The following SBNO1 variants were observed in gnomAD, a reference collection of about 807,000 sequenced individuals.
The protein encoded by SBNO1 is strawberry notch homolog 1.
A neutral mutation model predicts 173.6 loss-of-function variants in SBNO1; 23 were observed. That is an observed-to-expected ratio of 0.13 (90% confidence interval 0.10 to 0.19). The LOEUF is 0.19. SBNO1 is among the 10% of genes least tolerant of loss of function. SBNO1 has a pLI of 1.00. For synonymous variants in SBNO1, 632 were observed against 571.5 expected (o/e 1.11, Z -1.51); for missense variants, 1,238 against 1,671.2 (o/e 0.74, Z 4.52).
intron 6 of SBNO1, among the ~76,000 whole-genome samples, chr12:123,335,120 G>C (rs184624232): frequency 4.3e-4 from 66 of 152,292 alleles, no homozygotes; most frequent in African/African-American, 1.6e-3. Flanking sequence ...GAGCCTTGTA[G>C]GCTAAGGCTG....
At chr12:123,326,884 A>G (rs1217000872) in intron 13 of SBNO1, among the ~76,000 whole-genome samples, 2 of 152,134 alleles carry the variant, frequency 1.3e-5, no homozygotes, top group East Asian at 3.8e-4. Context: ...CCAAGATCAC[A>G]CCACTGTACT....
At chr12:123,363,871 G>A (rs1875715804) in intron 1 of SBNO1, 9 of 985,558 alleles carry the variant, frequency 9.1e-6, no homozygotes, top group Non-Finnish European at 1.1e-5. Flanking sequence ...CCAGGGTCAG[G>A]AAAGAAACAA....
chr12:123,299,681 C>CA (rs538218167), intron 30 of SBNO1, among the ~76,000 whole-genome samples: 4,354 of 93,728 alleles, frequency 0.046, 231 homozygotes, highest in African/African-American at 0.13. Flanking sequence ...ACTCTGTCTT[C>CA]AAAAAAAAAA....
At chr12:123,342,587 T>C (rs1013110713) in intron 4 of SBNO1, among the ~76,000 whole-genome samples, 6 of 152,250 alleles carry the variant, frequency 3.9e-5, no homozygotes, top group African/African-American at 1.4e-4. Flanking sequence ...TGGGAACTCC[T>C]TACTTCCTCC....
chr12:123,296,553 G>A (rs112372969), intron 31 of SBNO1, among the ~76,000 whole-genome samples: 1 of 105,330 alleles, frequency 9.5e-6, no homozygotes, highest in Admixed American at 1.1e-4. Flanking sequence ...ATATATATAT[G>A]TGTTTTTTTT....
intron 10 of SBNO1, among the ~76,000 whole-genome samples, chr12:123,328,355 T>C (rs1870819879): frequency 6.6e-6 from 1 of 152,288 alleles, no homozygotes; most frequent in African/African-American, 2.4e-5. Flanking sequence ...TTTCAAAAAG[T>C]GATGTTCCTC....
At position 123,336,386 on chromosome 12, in the gene SBNO1, A is replaced by C. The variant is rs774906229; in HGVS notation, c.748+9T>G. 2 of 1,503,628 alleles carry C rather than the reference A, an allele frequency of 1.3e-6. No individual in the cohort carries two copies. Among genetic ancestry groups the C allele is most frequent in the Non-Finnish European group, 1.8e-6 (2 of 1,090,400 alleles). 93.1% of individuals were successfully genotyped at this position (1,503,628 alleles called of 1,614,324 possible). On this transcript the variant is annotated intron_variant, in intron 6 of 31. Coordinates refer to ENST00000602398, the MANE Select transcript of SBNO1 (RefSeq NM_001167856.3). ...TGATGTAAATATCTGACAAATCCCGAAGACATACATTTTATTGGCATGTAT... is the reference window on the plus strand; with the variant it reads ...TGATGTAAATATCTGACAAATCCCGCAGACATACATTTTATTGGCATGTAT...
intron 2 of SBNO1, among the ~76,000 whole-genome samples, chr12:123,349,427 G>T (rs1237528917): frequency 1.3e-5 from 2 of 152,166 alleles, no homozygotes; most frequent in African/African-American, 4.8e-5. Flanking sequence ...TGCTTTCAGA[G>T]AATGTATATA....
chr12:123,347,669 T>C (rs1377024078), intron 3 of SBNO1, among the ~76,000 whole-genome samples: 1 of 151,978 alleles, frequency 6.6e-6, no homozygotes, highest in Non-Finnish European at 1.5e-5. Context: ...GCTATGACTA[T>C]AGGCGTGCAC....
rs1034377535 is a variant in SBNO1, at chr12:123,364,693, G to A, written c.-1+8C>T. ...TGGAAGGAGAAAAGGGCCAAGGGAA[G>A]GACTTACTTTCCCCGCGGGACCCGG... On this transcript the variant is annotated splice_region_variant and intron_variant, in intron 1 of 31. Coordinates refer to ENST00000602398, the MANE Select transcript of SBNO1 (RefSeq NM_001167856.3). 37 of 983,886 alleles carry A rather than the reference G, an allele frequency of 3.8e-5. No homozygotes were observed. Among genetic ancestry groups the A allele is most frequent in the East Asian group, 2.3e-4 (2 of 8,774 alleles). The allele number at this position is 983,886 out of a possible 1,614,324, so 60.9% of individuals were successfully genotyped here.
intron 31 of SBNO1, among the ~76,000 whole-genome samples, chr12:123,297,097 C>T (rs954534817): frequency 2.0e-5 from 3 of 151,214 alleles, no homozygotes; most frequent in East Asian, 2.0e-4. Flanking sequence ...CGGTGGCTCA[C>T]GCCTATAATC....
chr12:123,336,315 G>T, intron 6 of SBNO1, 80 bp downstream of exon 6: 1 of 925,306 alleles, frequency 1.1e-6, no homozygotes, highest in Non-Finnish European at 1.7e-6. Flanking sequence ...AAATTTATAT[G>T]GAAAAAAACA....
At chr12:123,335,870 G>A (rs1871778948) in intron 6 of SBNO1, among the ~76,000 whole-genome samples, 1 of 152,170 alleles carries the variant, frequency 6.6e-6, no homozygotes, top group Non-Finnish European at 1.5e-5. Flanking sequence ...GAAAAGGATG[G>A]AATCTTGAGT....
intron 30 of SBNO1, 111 bp from the exon 31 acceptor site, chr12:123,298,282 T>C: frequency 8.9e-7 from 1 of 1,121,732 alleles, no homozygotes; most frequent in Non-Finnish European, 1.2e-6. Flanking sequence ...TTTTTTTTTG[T>C]TGAGATGGAG....
In SBNO1 at chr12:123,317,252, A is replaced by G. The variant is rs1055426629; in HGVS notation, c.2904T>C (p.Pro968=). The change falls in exon 21 of 32, where the codon CCT becomes CCC. Residue 968 remains proline, a synonymous_variant. Transcript: ENST00000602398. ...RRRVHMTLEL[P]WSADRAIQQF... The stretch of plus-strand genomic sequence containing the variant: ...GTTGAATTGCTCTATCAGCGCTCCA[A>G]GGTAATTCTAAAGTCATATGAACTC... The G allele has an allele frequency of 6.2e-7, 1 of 1,614,070 alleles. No homozygotes were observed. The highest frequency in any genetic ancestry group is 1.3e-5 in the African/African-American group (1 of 74,950).
intron 30 of SBNO1, among the ~76,000 whole-genome samples, chr12:123,301,409 T>G (rs2138882015): frequency 1.3e-5 from 2 of 152,270 alleles, no homozygotes; most frequent in South Asian, 4.1e-4. Context: ...CAAAGCCAAC[T>G]TATCTACCTG....
In SBNO1 at chr12:123,328,776, T is replaced by C; in HGVS notation, c.1254A>G (p.Leu418=). The C allele has an allele frequency of 6.2e-7, 1 of 1,603,038 alleles. No individual in the cohort carries two copies. Among genetic ancestry groups the C allele is most frequent in the Non-Finnish European group, 8.5e-7 (1 of 1,173,292 alleles). ...CACCGCACCAATGCAGAAGTTGTTTTAACCTAGTTTTATACTTGCCGCCAG... is the reference window on the plus strand; with the variant it reads ...CACCGCACCAATGCAGAAGTTGTTTCAACCTAGTTTTATACTTGCCGCCAG... ...SQSGGKYKTR[L]KQLLHWCGDD... The change falls in exon 10 of 32, where the codon TTA becomes TTG. Residue 418 remains leucine, a synonymous_variant. Coordinates refer to ENST00000602398, the MANE Select transcript of SBNO1 (RefSeq NM_001167856.3).
At chr12:123,360,602 G>A (rs28718696) in intron 1 of SBNO1, among the ~76,000 whole-genome samples, 144,555 of 151,702 alleles carry the variant, frequency 0.95, 69,004 homozygotes, top group Non-Finnish European at 0.96. Context: ...GGATCACCAC[G>A]CCCAGCTAAT....
intron 21 of SBNO1, 141 bp from the exon 22 acceptor site, chr12:123,315,801 C>T (rs1869188908): frequency 1.7e-6 from 1 of 596,864 alleles, no homozygotes; most frequent in African/African-American, 1.9e-5. Context: ...GTAAAATTAC[C>T]ATAACACACA....
Sources: allele counts gnomAD v4.1 joint callset (sites outside exome capture counted in the v4.1 genomes callset), GRCh38; gene constraint gnomAD v4.1.1; transcripts MANE v1.5; gene names NCBI Gene and HGNC (gene_info 2026-07-23, HGNC 2026-07-21).